Variants in HDGFL3 observed in about 807,000 individuals in gnomAD.
HDGFL3 encodes hepatoma-derived growth factor-related protein 3.
Under a neutral mutation model 27.6 loss-of-function variants are expected in HDGFL3, and 6 were observed. The ratio of observed to expected loss-of-function variants is 0.22; its 90% CI spans 0.12 to 0.43. The LOEUF (loss-of-function observed/expected upper bound fraction) is 0.43, where lower values mean the gene tolerates loss of function less well. Among genes scored for constraint, HDGFL3 ranks in the 20% least tolerant of loss-of-function variants. The pLI, the probability that HDGFL3 is intolerant of heterozygous loss-of-function variation, is 1.00. For missense variants in HDGFL3, 207 were observed against 250.1 expected (o/e 0.83, Z 1.16); for synonymous variants, 88 against 88.9 (o/e 0.99, Z 0.05).
intron 1 of HDGFL3, among the ~76,000 whole-genome samples, chr15:83,192,986 G>C (rs569397173): frequency 2.1e-4 from 32 of 152,266 alleles, no homozygotes; most frequent in African/African-American, 7.7e-4. Flanking sequence ...TCTATTCCAT[G>C]TAACGCCATG....
chr15:83,167,034 G>A (rs2037178905), intron 1 of HDGFL3, among the ~76,000 whole-genome samples: 1 of 152,150 alleles, frequency 6.6e-6, no homozygotes, highest in Non-Finnish European at 1.5e-5. Flanking sequence ...TAGCAACATT[G>A]AATGTAAATG....
intron 2 of HDGFL3, among the ~76,000 whole-genome samples, chr15:83,161,815 T>C (rs2037105398): frequency 6.6e-6 from 1 of 152,196 alleles, no homozygotes; most frequent in African/African-American, 2.4e-5. Flanking sequence ...TTGCTATATG[T>C]TTTAAAATTT....
intron 4 of HDGFL3, among the ~76,000 whole-genome samples, chr15:83,154,546 A>G (rs1229238824): frequency 6.6e-6 from 1 of 152,110 alleles, no homozygotes; most frequent in Non-Finnish European, 1.5e-5. Context: ...GGGTTCAACA[A>G]TGTTTCTATT....
At chr15:83,165,066 T>C (rs1196744745) in intron 1 of HDGFL3, among the ~76,000 whole-genome samples, 1 of 152,228 alleles carries the variant, frequency 6.6e-6, no homozygotes, top group Non-Finnish European at 1.5e-5. Flanking sequence ...TGAGACGGCA[T>C]CAGGCAAGTT....
chr15:83,127,516 C>T (rs758148077), downstream of HDGFL3: 1 of 1,608,364 alleles, frequency 6.2e-7, no homozygotes, highest in South Asian at 1.1e-5. Flanking sequence ...TACTTGTGGT[C>T]TAGGTGTCAA....
At chr15:83,177,178 C>T (rs1438672803) in intron 1 of HDGFL3, among the ~76,000 whole-genome samples, 3 of 152,322 alleles carry the variant, frequency 2.0e-5, no homozygotes, top group East Asian at 3.9e-4. Context: ...CTCGGCCTCC[C>T]GAAGTGCTGG....
intron 1 of HDGFL3, among the ~76,000 whole-genome samples, chr15:83,171,702 A>C (rs2037248449): frequency 6.6e-6 from 1 of 151,184 alleles, no homozygotes; most frequent in South Asian, 2.1e-4. Context: ...GTATGCATGA[A>C]TGCAAAGATG....
chr15:83,207,376 G>A lies in HDGFL3; in HGVS notation c.39C>T (p.Asp13=). Reference sequence around the variant, plus strand: ...AGCCCTTCATCTTGGCGAAGACCAGGTCGCCCGCTTTGTACTCGCGGGGCC... The same window carrying A: ...AGCCCTTCATCTTGGCGAAGACCAGATCGCCCGCTTTGTACTCGCGGGGCC... ...RPRPREYKAG[D]LVFAKMKGYP... The change falls in exon 1 of 6, where the codon GAC becomes GAT. Residue 13 remains aspartate, a synonymous_variant. Transcript: ENST00000299633. This position sits in a 1 kb window ranked among gnomAD's most constrained non-coding sequence, Gnocchi z 4.8. 4.3e-6 allele frequency: 6 copies of A among 1,403,220 alleles called. No homozygotes were observed. Among genetic ancestry groups the A allele is most frequent in the Non-Finnish European group, 5.6e-6 (6 of 1,072,312 alleles). The allele number at this position is 1,403,220 out of a possible 1,614,324, so 86.9% of individuals were successfully genotyped here.
intron 2 of HDGFL3, among the ~76,000 whole-genome samples, chr15:83,163,601 C>A (rs1232543237): frequency 6.6e-6 from 1 of 152,026 alleles, no homozygotes; most frequent in African/African-American, 2.4e-5. Flanking sequence ...GAGGGCCCAA[C>A]AAGGTGAAAG....
At chr15:83,126,710 C>G, downstream of HDGFL3, 1 of 1,507,712 alleles carries the variant, frequency 6.6e-7, no homozygotes, top group Non-Finnish European at 9.2e-7. Context: ...AACCTAAGAA[C>G]CAGATGTGAT....
chr15:83,117,503 T>C (rs1272682555), intron 3 of HDGFL3, among the ~76,000 whole-genome samples: 1 of 151,798 alleles, frequency 6.6e-6, no homozygotes, highest in Non-Finnish European at 1.5e-5. Flanking sequence ...AAGTGGACCA[T>C]GGGGGGCAGG....
chr15:83,120,635 A>G (rs914940176), intron 3 of HDGFL3, among the ~76,000 whole-genome samples: 1 of 149,654 alleles, frequency 6.7e-6, no homozygotes, highest in East Asian at 2.0e-4. Flanking sequence ...CAATGGCACA[A>G]TCTCAGCTCA....
rs149652711 is a variant in HDGFL3 at position 83,132,109 on chromosome 15, T to A, written c.*7161A>T. 1.1e-4 allele frequency: 17 copies of A among 152,336 alleles called. No homozygotes were observed. The highest frequency in any genetic ancestry group is 3.8e-4 in the African/African-American group (16 of 41,584). 9.4% of individuals were successfully genotyped at this position (152,336 alleles called of 1,614,324 possible). A position where few individuals can be genotyped will look rare whatever the true frequency, so the allele number is the denominator to read the frequency against. ...TTCCTCTTCTGTAAAGTGAGGATAA[T>A]AACAGTAGCTTTCTCATGGAATTGC... is the stretch of plus-strand genomic sequence containing the variant. On this transcript the variant is annotated 3_prime_UTR_variant, in exon 6 of 6. Coordinates refer to ENST00000299633, the MANE Select transcript of HDGFL3 (RefSeq NM_016073.4).
chr15:83,121,237 A>AT lies in HDGFL3; in HGVS notation c.394-5497dup, dbSNP rs1229395202. Reference sequence around the variant, plus strand: ...AGGTGCATGCCACCATGCCCAGCTAATTTTTTTTTTTTTTTTGTACTTTTA... The same window carrying AT: ...AGGTGCATGCCACCATGCCCAGCTAATTTTTTTTTTTTTTTTTGTACTTTTA... On this transcript the variant is annotated intron_variant, in intron 3 of 3. Transcript: ENST00000568294. Among the ~76,000 whole-genome samples the AT allele has an allele frequency of 9.9e-3, 1,377 of 139,452 alleles. 8 individuals are homozygous for AT. Among genetic ancestry groups the AT allele is most frequent in the Admixed American group, 0.013 (179 of 13,888 alleles). 91.5% of individuals were successfully genotyped at this position (139,452 alleles called of 152,430 possible).
intron 5 of HDGFL3, among the ~76,000 whole-genome samples, 199 bp from the exon 6 acceptor site, chr15:83,139,474 ATCCTAGGGTATTTTTAGTG>A (rs1449168121): frequency 1.3e-5 from 2 of 152,138 alleles, no homozygotes; most frequent in Non-Finnish European, 2.9e-5. Context: ...GTTAAAGGAA[ATCCTAGGGTATTTTTAGTG>A]TCCCATAGAA....
At chr15:83,182,215 A>G (rs1427624408) in intron 1 of HDGFL3, among the ~76,000 whole-genome samples, 2 of 150,556 alleles carry the variant, frequency 1.3e-5, no homozygotes, top group Non-Finnish European at 3.0e-5. Context: ...AACAAACTAA[A>G]GTGTTATAAT....
intron 5 of HDGFL3, among the ~76,000 whole-genome samples, chr15:83,141,616 G>A (rs1011502435): frequency 6.6e-6 from 1 of 152,014 alleles, no homozygotes; most frequent in African/African-American, 2.4e-5. Context: ...ACAGGGTCTT[G>A]CTCTTGTGCC....
intron 1 of HDGFL3, among the ~76,000 whole-genome samples, chr15:83,192,763 A>G (rs1187016432): frequency 1.3e-5 from 2 of 152,240 alleles, no homozygotes; most frequent in East Asian, 3.8e-4. Flanking sequence ...AACAAATAAA[A>G]GTGGTAGCAC....
chr15:83,124,842 C>T, downstream of HDGFL3: 2 of 1,341,948 alleles, frequency 1.5e-6, no homozygotes, highest in Non-Finnish European at 1.1e-6. Flanking sequence ...TGGAAAAAAA[C>T]TTAGAAATAT....
Sources: gnomAD v4.1 joint callset for allele counts (sites outside exome capture counted in the v4.1 genomes callset) on GRCh38, gnomAD v4.1.1 for gene constraint, Gnocchi (gnomAD v3.1) non-coding constraint, MANE v1.5 for transcripts, NCBI Gene and HGNC (gene_info 2026-07-23, HGNC 2026-07-21) for gene names.